LDB2: variants seen among roughly 807,000 people sequenced by gnomAD.
The protein encoded by LDB2 is LIM domain binding 2, also known as LIM domain-binding protein 2.
Under a neutral mutation model 44.3 loss-of-function variants are expected in LDB2, and 12 were observed. That is an observed-to-expected ratio of 0.27 (90% CI 0.17 to 0.44). The LOEUF (loss-of-function observed/expected upper bound fraction) is 0.44, where lower values mean the gene tolerates loss of function less well. LDB2 is among the 20% of genes least tolerant of loss of function. The pLI, the probability that LDB2 is intolerant of heterozygous loss-of-function variation, is 1.00. For missense variants in LDB2, 344 were observed against 473.5 expected, an observed-to-expected ratio of 0.73 and a Z score of 2.54; for synonymous variants, 164 against 174.8, an observed-to-expected ratio of 0.94 and a Z score of 0.49.
At chr4:16,717,950 G>A (rs1161276263) in intron 2 of LDB2, among the ~76,000 whole-genome samples, 1 of 152,088 alleles carries the variant, frequency 6.6e-6, no homozygotes, top group African/African-American at 2.4e-5. Flanking sequence ...GTAATCAGAA[G>A]CTCTATTTTT....
chr4:16,623,821 C>T (rs753335670), intron 2 of LDB2, among the ~76,000 whole-genome samples: 1 of 147,512 alleles, frequency 6.8e-6, no homozygotes, highest in Admixed American at 6.7e-5. Flanking sequence ...CTTAACAGTC[C>T]CTTAACTCTA....
chr4:16,872,292 A>G (rs1298854278), intron 1 of LDB2, among the ~76,000 whole-genome samples: 3 of 151,730 alleles, frequency 2.0e-5, no homozygotes, highest in African/African-American at 7.3e-5. Flanking sequence ...ATTTTTCTTC[A>G]TATTATTTTT....
chr4:16,773,796 G>A (rs997368161), intron 1 of LDB2, among the ~76,000 whole-genome samples: 20 of 151,904 alleles, frequency 1.3e-4, no homozygotes, highest in Non-Finnish European at 2.6e-4. Context: ...GTGCAGTGGT[G>A]TGGTCATAGC....
chr4:16,851,988 C>A (rs1175413169), intron 1 of LDB2, among the ~76,000 whole-genome samples: 1 of 152,168 alleles, frequency 6.6e-6, no homozygotes, highest in African/African-American at 2.4e-5. Context: ...ATTACTTTTA[C>A]CATAAAAGAA....
intron 1 of LDB2, among the ~76,000 whole-genome samples, chr4:16,779,171 C>G (rs1208602241): frequency 1.3e-5 from 2 of 152,246 alleles, no homozygotes; most frequent in East Asian, 3.9e-4. Flanking sequence ...CTTTGGGAGC[C>G]TGGGATTTGA....
intron 2 of LDB2, among the ~76,000 whole-genome samples, chr4:16,729,210 A>C (rs1214672765): frequency 6.6e-6 from 1 of 152,206 alleles, no homozygotes. Flanking sequence ...TTTCACTTTA[A>C]GAACAAAAAC....
chr4:16,717,650 C>A (rs982758362), intron 2 of LDB2, among the ~76,000 whole-genome samples: 1 of 152,130 alleles, frequency 6.6e-6, no homozygotes, highest in African/African-American at 2.4e-5. Flanking sequence ...AACAATGAAT[C>A]CATATGATAA....
chr4:16,654,819 G>T (rs112926745), intron 2 of LDB2, among the ~76,000 whole-genome samples: 302 of 152,146 alleles, frequency 2.0e-3, no homozygotes, highest in African/African-American at 6.9e-3. Flanking sequence ...GTTTTTAAGG[G>T]TTACTTTTAA....
At chr4:16,898,324 C>T (rs769541442) in intron 1 of LDB2, 30 bp downstream of exon 1, 1 of 1,602,012 alleles carries the variant, frequency 6.2e-7, no homozygotes, top group Non-Finnish European at 8.5e-7. Flanking sequence ...CAAAAATACA[C>T]AAACACATCC....
intron 2 of LDB2, among the ~76,000 whole-genome samples, chr4:16,752,178 T>C (rs755742657): frequency 3.9e-5 from 6 of 152,348 alleles, no homozygotes; most frequent in Non-Finnish European, 8.8e-5. Flanking sequence ...TATTCTTTTC[T>C]TGAAAATAAA....
intron 2 of LDB2, among the ~76,000 whole-genome samples, chr4:16,661,090 T>G (rs1336424367): frequency 2.0e-5 from 3 of 152,074 alleles, no homozygotes; most frequent in Non-Finnish European, 4.4e-5. Flanking sequence ...CAGAAATAAT[T>G]ACTTTCCCCC....
At position 16,854,106 on chromosome 4, in the gene LDB2, G is replaced by T. The variant is rs76349495; in HGVS notation, c.132+44248C>A. ...ATAGGTAATATAACTGTATGGTATA[G>T]TTGATTCTTACTAAATGAGTAGATT... On this transcript the variant is annotated intron_variant, in intron 1 of 7. Transcript: ENST00000304523. 4.1e-3 allele frequency among the ~76,000 whole-genome samples: 616 copies of T among 152,064 alleles called. 2 individuals carry two copies. Among genetic ancestry groups the T allele is most frequent in the South Asian group, 6.6e-3 (32 of 4,816 alleles).
chr4:16,832,342 G>A (rs1304841053), intron 1 of LDB2, among the ~76,000 whole-genome samples: 3 of 152,028 alleles, frequency 2.0e-5, no homozygotes, highest in African/African-American at 4.8e-5. Context: ...GCAGAGTTAG[G>A]GTTGCTAAAA....
At chr4:16,553,101 G>C (rs1738240834) in intron 5 of LDB2, among the ~76,000 whole-genome samples, 1 of 152,220 alleles carries the variant, frequency 6.6e-6, no homozygotes, top group Admixed American at 6.5e-5. Flanking sequence ...GGTAGGCAAA[G>C]AAGGATTTTC....
chr4:16,798,501 T>C (rs1210577786), intron 1 of LDB2, among the ~76,000 whole-genome samples: 2 of 152,222 alleles, frequency 1.3e-5, no homozygotes, highest in Non-Finnish European at 2.9e-5. Flanking sequence ...AAATCAATTG[T>C]TATCTACTTT....
intron 2 of LDB2, among the ~76,000 whole-genome samples, chr4:16,730,874 T>G (rs1386012158): frequency 6.6e-6 from 1 of 152,210 alleles, no homozygotes; most frequent in Non-Finnish European, 1.5e-5. Context: ...GCCTAACACA[T>G]ACAACAATCC....
At position 16,816,412 on chromosome 4, in the gene LDB2, T is replaced by C. The variant is rs1206636164; in HGVS notation, c.133-57152A>G. ...TTCTTATTTTCTTTTTCTTTCTTTT[T>C]TTTTTTTTTTTTTTGAGATGGAGTT... On this transcript the variant is annotated intron_variant, in intron 1 of 7. Transcript: ENST00000304523. Among the ~76,000 whole-genome samples, 154 of 146,146 alleles carry C rather than the reference T, an allele frequency of 1.1e-3. 2 individuals carry two copies. The highest frequency in any genetic ancestry group is 7.0e-3 in the Middle Eastern group (2 of 284).
At chr4:16,641,490 T>G (rs1735155054) in intron 2 of LDB2, among the ~76,000 whole-genome samples, 1 of 152,112 alleles carries the variant, frequency 6.6e-6, no homozygotes, top group Non-Finnish European at 1.5e-5. Context: ...CTGCTTCCAG[T>G]AAGGGCCTCG....
intron 2 of LDB2, among the ~76,000 whole-genome samples, chr4:16,630,562 G>A (rs925101377): frequency 6.6e-6 from 1 of 152,162 alleles, no homozygotes; most frequent in Non-Finnish European, 1.5e-5. Context: ...AGCATCATAA[G>A]GATAGGATAA....
Sources: gnomAD v4.1 joint callset for allele counts (sites outside exome capture counted in the v4.1 genomes callset) on GRCh38, gnomAD v4.1.1 for gene constraint, MANE v1.5 for transcripts, NCBI Gene and HGNC (gene_info 2026-07-23, HGNC 2026-07-21) for gene names.